Variants in SAMD4A observed in about 807,000 individuals in gnomAD.
SAMD4A encodes the protein sterile alpha motif domain containing 4A.
Under a neutral mutation model 81.3 loss-of-function variants are expected in SAMD4A, and 33 were observed. That is an observed-to-expected ratio of 0.41 (90% CI 0.31 to 0.54). SAMD4A has a LOEUF of 0.54. Among genes scored for constraint, SAMD4A ranks in the 20% least tolerant of loss-of-function variants. The pLI, the probability that SAMD4A is intolerant of heterozygous loss-of-function variation, is 0.37. For missense variants in SAMD4A, 854 were observed against 951.1 expected (o/e 0.90, Z 1.34); for synonymous variants, 389 against 382.1 (o/e 1.02, Z -0.21).
intron 2 of SAMD4A, among the ~76,000 whole-genome samples, chr14:54,655,378 T>C (rs1238743997): frequency 6.6e-6 from 1 of 152,164 alleles, no homozygotes; most frequent in African/African-American, 2.4e-5. Context: ...AAGAGCCCAT[T>C]CTACTTCATT....
chr14:54,635,357 G>T (rs969356488), intron 2 of SAMD4A, among the ~76,000 whole-genome samples: 6 of 151,846 alleles, frequency 4.0e-5, no homozygotes, highest in Non-Finnish European at 8.8e-5. Context: ...CCCAGGAGGC[G>T]GAGGTTGCAG....
intron 2 of SAMD4A, among the ~76,000 whole-genome samples, chr14:54,676,927 C>G (rs1045393828): frequency 6.6e-6 from 1 of 152,200 alleles, no homozygotes; most frequent in African/African-American, 2.4e-5. Flanking sequence ...TAGAGCCTTG[C>G]ATTATGCATT....
intron 2 of SAMD4A, among the ~76,000 whole-genome samples, chr14:54,666,948 T>A (rs1364013430): frequency 6.6e-6 from 1 of 152,202 alleles, no homozygotes; most frequent in African/African-American, 2.4e-5. Context: ...GTAACATTTT[T>A]GGTGGTCCTT....
At chr14:54,674,289 A>G (rs1299761618) in intron 2 of SAMD4A, among the ~76,000 whole-genome samples, 1 of 152,264 alleles carries the variant, frequency 6.6e-6, no homozygotes, top group Admixed American at 6.5e-5. Flanking sequence ...AGGGAAGGGC[A>G]GGAGTTTTGC....
chr14:54,646,804 A>G (rs1030582431), intron 2 of SAMD4A, among the ~76,000 whole-genome samples: 1 of 152,216 alleles, frequency 6.6e-6, no homozygotes, highest in African/African-American at 2.4e-5. Context: ...AATTTTTAAA[A>G]AGACTAGTAT....
intron 2 of SAMD4A, 64 bp from the exon 3 acceptor site, chr14:54,701,998 G>C (rs2036731076): frequency 6.6e-7 from 1 of 1,522,248 alleles, no homozygotes; most frequent in East Asian, 2.3e-5. Flanking sequence ...ATTCTCTTTA[G>C]AGTATCTGTT....
intron 2 of SAMD4A, among the ~76,000 whole-genome samples, chr14:54,614,238 C>CATTTATGTTTTTTGAAACATAT (rs1184250233): frequency 3.9e-5 from 6 of 152,050 alleles, no homozygotes; most frequent in Non-Finnish European, 1.5e-5. Context: ...TTTCATAAAA[C>CATTTATGTTTTTTGAAACATAT]ATGTAATTTA....
chr14:54,605,270 A>C (rs1039756456), intron 2 of SAMD4A, among the ~76,000 whole-genome samples: 1 of 148,006 alleles, frequency 6.8e-6, no homozygotes, highest in Non-Finnish European at 1.5e-5. Context: ...TGGAGAAAGC[A>C]AAAAAAAAAC....
chr14:54,626,065 C>CGCGCGCGCGAGT (rs2034752880), intron 2 of SAMD4A, among the ~76,000 whole-genome samples: 1 of 99,540 alleles, frequency 1.0e-5, no homozygotes, highest in Non-Finnish European at 2.3e-5. Context: ...TGTGTGCGCG[C>CGCGCGCGCGAGT]GCGCGCGCGC....
At position 54,759,500 on chromosome 14, in the gene SAMD4A, G is replaced by A. The variant is rs1201512311; in HGVS notation, c.1177-661G>A. On this transcript the variant is annotated intron_variant, in intron 6 of 12. Coordinates refer to ENST00000554335, the MANE Select transcript of SAMD4A (RefSeq NM_015589.6). Reference sequence around the variant, plus strand: ...CTTCCCCTCATAGCAGCCCCGACCCGTACCACAGCCCCTGGCATGATATAG... The same window carrying A: ...CTTCCCCTCATAGCAGCCCCGACCCATACCACAGCCCCTGGCATGATATAG... 5.9e-5 allele frequency among the ~76,000 whole-genome samples: 9 copies of A among 152,124 alleles called. No individual in the cohort carries two copies. The East Asian group carries it at 1.2e-3, about 20-fold the overall frequency.
intron 9 of SAMD4A, among the ~76,000 whole-genome samples, chr14:54,772,678 T>A (rs1186542372): frequency 6.6e-6 from 1 of 152,166 alleles, no homozygotes; most frequent in Non-Finnish European, 1.5e-5. Context: ...AATAACTTTT[T>A]AAAAATCCAA....
At position 54,567,741 on chromosome 14, in the gene SAMD4A, A is replaced by C; in HGVS notation, c.-176A>C. On this transcript the variant is annotated 5_prime_UTR_variant, in exon 2 of 13. Transcript: ENST00000554335. ...AGCCAGAACCACCGGAACGTAACTG[A>C]AACCAGACAAGAGAGGCAGGAGCCC... The C allele has an allele frequency of 1.7e-6, 1 of 587,622 alleles. No homozygotes were observed. Among genetic ancestry groups the C allele is most frequent in the East Asian group, 3.2e-5 (1 of 31,024 alleles). 36.4% of individuals were successfully genotyped at this position (587,622 alleles called of 1,614,324 possible). A position where few individuals can be genotyped will look rare whatever the true frequency, so the allele number is the denominator to read the frequency against.
At chr14:54,782,334 T>G (rs1034966514) in intron 11 of SAMD4A, among the ~76,000 whole-genome samples, 7 of 139,096 alleles carry the variant, frequency 5.0e-5, no homozygotes, top group Non-Finnish European at 1.1e-4. Flanking sequence ...CTGAGGTTTG[T>G]TTTTTTTTTT....
chr14:54,567,952 C>G lies in SAMD4A; in HGVS notation c.36C>G (p.Gly12=). 1 of 1,609,932 alleles carries G rather than the reference C, an allele frequency of 6.2e-7. No individual in the cohort carries two copies. The highest frequency in any genetic ancestry group is 1.3e-5 in the African/African-American group (1 of 74,838). Residue 12 remains glycine, a synonymous_variant, in exon 2 of 13, where the codon GGC becomes GGG. Transcript: ENST00000554335. ...GCGACCAGGTCGGGGTGCTGGCGGG[C>G]TGGTTTAAGGGCTGGAACGAGTGCG... ...MFRDQVGVLA[G]WFKGWNECEQ...
At chr14:54,747,501 G>A (rs1266654028) in intron 4 of SAMD4A, among the ~76,000 whole-genome samples, 1 of 152,198 alleles carries the variant, frequency 6.6e-6, no homozygotes, top group African/African-American at 2.4e-5. Context: ...AAAATTGGAA[G>A]GTGCTCGCTT....
At chr14:54,723,081 G>A (rs2037302963) in intron 3 of SAMD4A, among the ~76,000 whole-genome samples, 1 of 136,286 alleles carries the variant, frequency 7.3e-6, no homozygotes, top group African/African-American at 2.6e-5. Flanking sequence ...GAGACATTAT[G>A]GTTATCTTAT....
intron 2 of SAMD4A, among the ~76,000 whole-genome samples, chr14:54,573,774 C>G (rs960945127): frequency 6.6e-6 from 1 of 152,130 alleles, no homozygotes; most frequent in Non-Finnish European, 1.5e-5. Context: ...AGGATTTTCC[C>G]AAAGAAAGCA....
chr14:54,757,416 TG>T (rs1342267084), intron 6 of SAMD4A, among the ~76,000 whole-genome samples: 8 of 146,198 alleles, frequency 5.5e-5, no homozygotes, highest in African/African-American at 1.9e-4. Flanking sequence ...TGTGTGTGTG[TG>T]TGTGTGTGTG....
chr14:54,604,036 G>A (rs2034134032), intron 2 of SAMD4A, among the ~76,000 whole-genome samples: 1 of 152,110 alleles, frequency 6.6e-6, no homozygotes, highest in African/African-American at 2.4e-5. Context: ...CGTTGGCCAG[G>A]ATGGTCTTGA....
Sources: gnomAD v4.1 joint callset for allele counts (sites outside exome capture counted in the v4.1 genomes callset) on GRCh38, gnomAD v4.1.1 for gene constraint, MANE v1.5 for transcripts, NCBI Gene and HGNC (gene_info 2026-07-23, HGNC 2026-07-21) for gene names.